HERC6: variants seen among roughly 807,000 people sequenced by gnomAD.
HERC6 encodes the protein probable E3 ubiquitin-protein ligase HERC6.
A neutral mutation model predicts 114.5 loss-of-function variants in HERC6; 101 were observed. The observed-to-expected ratio is 0.88, with a 90% CI of 0.75 to 1.04. HERC6 has a LOEUF of 1.04. Among genes scored for constraint, HERC6 ranks in the 50% least tolerant of loss-of-function variants. HERC6 has a pLI of 0.00. For synonymous variants in HERC6, 408 were observed against 436.2 expected, an observed-to-expected ratio of 0.94 and a Z score of 0.81; for missense variants, 1,133 against 1,230.9, an observed-to-expected ratio of 0.92 and a Z score of 1.19.
chr4:88,426,535 G>A (rs548226266), intron 15 of HERC6, among the ~76,000 whole-genome samples: 2 of 151,350 alleles, frequency 1.3e-5, no homozygotes, highest in Admixed American at 6.6e-5. Context: ...GCTGGAGTGC[G>A]ATGGTGCGAT....
chr4:88,384,020 T>C (rs1229435522), intron 2 of HERC6, among the ~76,000 whole-genome samples: 3 of 152,044 alleles, frequency 2.0e-5, no homozygotes, highest in Non-Finnish European at 4.4e-5. Context: ...CTGCAAAAGA[T>C]ACAGATATAA....
intron 11 of HERC6, among the ~76,000 whole-genome samples, chr4:88,411,801 C>T (rs1380069309): frequency 6.6e-6 from 1 of 152,182 alleles, no homozygotes; most frequent in Non-Finnish European, 1.5e-5. Context: ...GTAAAATCCT[C>T]CACTCAATCT....
chr4:88,388,838 CA>C (rs1054564387), intron 3 of HERC6, among the ~76,000 whole-genome samples: 1 of 152,160 alleles, frequency 6.6e-6, no homozygotes, highest in Non-Finnish European at 1.5e-5. Context: ...AGCCTGCCTG[CA>C]TCAATGCAGA....
intron 13 of HERC6, among the ~76,000 whole-genome samples, chr4:88,422,665 T>C (rs1737185334): frequency 6.6e-6 from 1 of 152,224 alleles, no homozygotes; most frequent in Non-Finnish European, 1.5e-5. Flanking sequence ...TGCATCTATA[T>C]TCATGAGTGA....
intron 17 of HERC6, 23 bp downstream of exon 17, chr4:88,431,328 T>C (rs1738178925): frequency 3.8e-6 from 6 of 1,578,798 alleles, no homozygotes; most frequent in Admixed American, 2.0e-5. Context: ...TTTTTTTTTT[T>C]TCCCCCAGAA....
chr4:88,405,750 T>C (rs182643518), intron 10 of HERC6, 137 bp downstream of exon 10: 6 of 424,228 alleles, frequency 1.4e-5, no homozygotes, highest in African/African-American at 1.0e-4. Context: ...TAGGTTGTTA[T>C]AGAATTCTTT....
intron 19 of HERC6, among the ~76,000 whole-genome samples, chr4:88,437,223 A>C (rs1328867973): frequency 6.6e-6 from 1 of 151,848 alleles, no homozygotes; most frequent in African/African-American, 2.4e-5. Context: ...TGCCTGGCTA[A>C]TTTTTGTATT....
intron 22 of HERC6, among the ~76,000 whole-genome samples, chr4:88,441,455 G>C (rs1560582187): frequency 6.6e-6 from 1 of 152,092 alleles, no homozygotes; most frequent in Non-Finnish European, 1.5e-5. Flanking sequence ...TCAGACAGCT[G>C]GTAAGTATGG....
At chr4:88,391,948 CTCCCCTCCCCACTCCTT>C (rs1400638076) in intron 4 of HERC6, among the ~76,000 whole-genome samples, 14 of 130,316 alleles carry the variant, frequency 1.1e-4, no homozygotes, top group African/African-American at 3.5e-4. Flanking sequence ...TTCCCTTTTC[CTCCCCTCCCCACTCCTT>C]TCCCCTCCCT....
intron 15 of HERC6, among the ~76,000 whole-genome samples, chr4:88,424,976 C>A (rs1244954858): frequency 6.6e-6 from 1 of 152,178 alleles, no homozygotes; most frequent in African/African-American, 2.4e-5. Flanking sequence ...GTTCAAGTGG[C>A]AACCACATGA....
intron 22 of HERC6, among the ~76,000 whole-genome samples, chr4:88,441,139 A>G (rs1739308019): frequency 6.6e-6 from 1 of 151,956 alleles, no homozygotes; most frequent in South Asian, 2.1e-4. Flanking sequence ...CTGGCTCCTA[A>G]GCCTTTTATC....
intron 15 of HERC6, among the ~76,000 whole-genome samples, chr4:88,425,606 C>A (rs1737524350): frequency 6.6e-6 from 1 of 152,144 alleles, no homozygotes; most frequent in African/African-American, 2.4e-5. Context: ...TAAATAATGT[C>A]TATGAGTCAA....
chr4:88,386,198 T>TC (rs1560533210), intron 3 of HERC6, among the ~76,000 whole-genome samples: 4 of 148,636 alleles, frequency 2.7e-5, no homozygotes, highest in Non-Finnish European at 6.0e-5. Context: ...TTTTTTCTTT[T>TC]CTTTTTTTTT....
chr4:88,388,220 G>A (rs113173069), intron 3 of HERC6, among the ~76,000 whole-genome samples: 3,598 of 151,998 alleles, frequency 0.024, 122 homozygotes, highest in African/African-American at 0.082. Context: ...CCAGGAGTTC[G>A]AGACCAGCCT....
At chr4:88,419,167 G>A (rs1736791235) in intron 13 of HERC6, among the ~76,000 whole-genome samples, 1 of 152,194 alleles carries the variant, frequency 6.6e-6, no homozygotes, top group African/African-American at 2.4e-5. Context: ...AACTCAGTCT[G>A]TCTATATCAG....
chr4:88,386,168 G>T (rs919469388), intron 3 of HERC6, among the ~76,000 whole-genome samples: 4 of 149,930 alleles, frequency 2.7e-5, no homozygotes, highest in Non-Finnish European at 5.9e-5. Context: ...GATTAAAAGA[G>T]AAAAGGCACC....
At chr4:88,423,798 A>G in intron 13 of HERC6, 62 bp from the exon 14 acceptor site, 1 of 687,910 alleles carries the variant, frequency 1.5e-6, no homozygotes. Flanking sequence ...ATATATCTAT[A>G]TATCATAGAT....
intron 13 of HERC6, among the ~76,000 whole-genome samples, chr4:88,419,328 C>A (rs1736804875): frequency 1.3e-5 from 2 of 152,274 alleles, no homozygotes; most frequent in South Asian, 4.1e-4. Context: ...CCAGAAGTCA[C>A]TGGGCGTGGT....
chr4:88,384,232 A>G (rs1214804008), intron 2 of HERC6, among the ~76,000 whole-genome samples: 1 of 152,184 alleles, frequency 6.6e-6, no homozygotes, highest in African/African-American at 2.4e-5. Flanking sequence ...TTAAGGTGAC[A>G]TATATAAAAC....
Sources: gnomAD v4.1 joint callset for allele counts (sites outside exome capture counted in the v4.1 genomes callset) on GRCh38, gnomAD v4.1.1 for gene constraint, MANE v1.5 for transcripts, NCBI Gene and HGNC (gene_info 2026-07-23, HGNC 2026-07-21) for gene names.